RNF150: variants seen among roughly 807,000 people sequenced by gnomAD.
The protein encoded by RNF150 is ring finger protein 150.
A neutral mutation model predicts 39.3 loss-of-function variants in RNF150; 24 were observed. That is an observed-to-expected ratio of 0.61 (90% CI 0.44 to 0.86). RNF150 has a LOEUF of 0.86. RNF150 is among the 40% of genes least tolerant of loss of function. RNF150 has a pLI of 0.00. For missense variants in RNF150, 502 were observed against 587.8 expected, an observed-to-expected ratio of 0.85 and a Z score of 1.51; for synonymous variants, 255 against 227.3, an observed-to-expected ratio of 1.12 and a Z score of -1.10.
intron 4 of RNF150, among the ~76,000 whole-genome samples, chr4:140,930,174 C>G (rs944641559): frequency 6.6e-6 from 1 of 152,068 alleles, no homozygotes. Flanking sequence ...ACCAACCAAC[C>G]AACCCACCAA....
chr4:141,044,372 A>G (rs960719624), intron 1 of RNF150, among the ~76,000 whole-genome samples: 2 of 152,214 alleles, frequency 1.3e-5, no homozygotes, highest in Non-Finnish European at 2.9e-5. Context: ...GCACTGTTCA[A>G]ATTCTCAAAA....
At chr4:141,176,554 T>C (rs1727818117) in intron 1 of RNF150, among the ~76,000 whole-genome samples, 1 of 152,178 alleles carries the variant, frequency 6.6e-6, no homozygotes, top group Non-Finnish European at 1.5e-5. Flanking sequence ...AAAAATCTGA[T>C]GAAAAACACC....
At chr4:140,877,916 A>C (rs1729219697) in intron 6 of RNF150, among the ~76,000 whole-genome samples, 1 of 152,126 alleles carries the variant, frequency 6.6e-6, no homozygotes, top group African/African-American at 2.4e-5. Flanking sequence ...TGACTATAGC[A>C]ATCATCAAAG....
At position 140,912,724 on chromosome 4, in the gene RNF150, ATTCT is replaced by A. The variant is rs374083581; in HGVS notation, c.988-1374_988-1371del. Among the ~76,000 whole-genome samples, 529 of 152,210 alleles carry A rather than the reference ATTCT, an allele frequency of 3.5e-3. 6 individuals are homozygous for A. The highest frequency in any genetic ancestry group is 0.012 in the African/African-American group (506 of 41,524). ...TTCAGTTTATTCATTTCTTTCCTGT[ATTCT>A]TTCTTCTTTTTGCCCTCTCTAGCTA... On this transcript the variant is annotated intron_variant, in intron 5 of 6. Coordinates refer to ENST00000515673, the MANE Select transcript of RNF150 (RefSeq NM_020724.2).
intron 1 of RNF150, among the ~76,000 whole-genome samples, chr4:141,196,844 T>G (rs1216247879): frequency 6.6e-6 from 1 of 152,180 alleles, no homozygotes; most frequent in African/African-American, 2.4e-5. Flanking sequence ...TTCCTTTAAT[T>G]TCCCATCTCC....
intron 1 of RNF150, among the ~76,000 whole-genome samples, chr4:141,018,075 T>C (rs1023260068): frequency 6.6e-6 from 1 of 151,866 alleles, no homozygotes. Context: ...ATTTGATGCA[T>C]GTATTATAAT....
intron 1 of RNF150, among the ~76,000 whole-genome samples, chr4:141,151,473 C>T (rs977999680): frequency 1.7e-5 from 2 of 119,786 alleles, no homozygotes; most frequent in African/African-American, 6.1e-5. Flanking sequence ...GACACACACA[C>T]AAATTTAAGT....
At chr4:140,949,234 G>T in intron 3 of RNF150, 67 bp downstream of exon 3, 1 of 1,227,772 alleles carries the variant, frequency 8.1e-7, no homozygotes. Flanking sequence ...CTTCCACCCT[G>T]GCTATAAGAA....
At chr4:141,074,988 T>C (rs550809390) in intron 1 of RNF150, among the ~76,000 whole-genome samples, 19 of 152,332 alleles carry the variant, frequency 1.2e-4, no homozygotes, top group Middle Eastern at 3.4e-3. Context: ...TATAAATTAA[T>C]AAAGTGGAAC....
intron 1 of RNF150, among the ~76,000 whole-genome samples, chr4:141,111,338 C>A (rs1365970834): frequency 6.6e-6 from 1 of 152,142 alleles, no homozygotes; most frequent in African/African-American, 2.4e-5. Context: ...AGTGGCTAAA[C>A]TTGGTTAGCT....
intron 1 of RNF150, among the ~76,000 whole-genome samples, chr4:141,015,902 T>C (rs1008577710): frequency 2.0e-5 from 3 of 151,912 alleles, no homozygotes; most frequent in African/African-American, 4.8e-5. Flanking sequence ...AGGATAGTAT[T>C]TTTTGCCTGC....
intron 1 of RNF150, among the ~76,000 whole-genome samples, chr4:140,977,901 G>A (rs1050827759): frequency 6.6e-5 from 10 of 151,946 alleles, no homozygotes; most frequent in South Asian, 2.1e-4. Flanking sequence ...TGTTCTATCC[G>A]CTTTTCTACA....
chr4:141,084,756 GGTAGATT>G (rs1420449338), intron 1 of RNF150, among the ~76,000 whole-genome samples: 3 of 152,128 alleles, frequency 2.0e-5, no homozygotes, highest in Non-Finnish European at 4.4e-5. Context: ...TGGACAGTGT[GGTAGATT>G]GTATTTGACA....
At chr4:141,079,041 G>A (rs965340707) in intron 1 of RNF150, among the ~76,000 whole-genome samples, 1 of 151,840 alleles carries the variant, frequency 6.6e-6, no homozygotes, top group Non-Finnish European at 1.5e-5. Flanking sequence ...GTTGGATTGT[G>A]CTATTTACAG....
At chr4:141,197,719 C>A (rs563577401) in intron 1 of RNF150, among the ~76,000 whole-genome samples, 1 of 151,754 alleles carries the variant, frequency 6.6e-6, no homozygotes, top group Admixed American at 6.6e-5. Flanking sequence ...TCTACTAAAA[C>A]TACAAAAAAT....
At chr4:140,954,971 A>G (rs1403594639) in intron 2 of RNF150, among the ~76,000 whole-genome samples, 2 of 152,134 alleles carry the variant, frequency 1.3e-5, no homozygotes, top group African/African-American at 2.4e-5. Flanking sequence ...TTTTATGATC[A>G]TGTTCATTGT....
chr4:141,062,017 T>G (rs567336459), intron 1 of RNF150, among the ~76,000 whole-genome samples: 147 of 152,292 alleles, frequency 9.7e-4, no homozygotes, highest in Non-Finnish European at 1.8e-3. Context: ...ATGTTTTAAG[T>G]ACACTAAATA....
At chr4:140,979,127 C>T (rs2111452370) in intron 1 of RNF150, among the ~76,000 whole-genome samples, 1 of 152,212 alleles carries the variant, frequency 6.6e-6, no homozygotes, top group East Asian at 1.9e-4. Flanking sequence ...AAAGTAGCCT[C>T]TCTGTATATG....
At position 140,867,186 on chromosome 4, in the gene RNF150, G is replaced by A. The variant is rs868510823; in HGVS notation, c.*1075C>T. The A allele has an allele frequency of 2.6e-5, 4 of 152,144 alleles. No individual in the cohort carries two copies. Among genetic ancestry groups the A allele is most frequent in the African/African-American group, 4.8e-5 (2 of 41,444 alleles). 9.4% of individuals were successfully genotyped at this position (152,144 alleles called of 1,614,324 possible). ...TGGTGAGATTCAACAGAAGTGTGTC[G>A]AAATTAAGGTAAAAGCTAGGTGCTA... On this transcript the variant is annotated 3_prime_UTR_variant, in exon 7 of 7. Transcript: ENST00000515673.
Sources: gnomAD v4.1 joint callset for allele counts (sites outside exome capture counted in the v4.1 genomes callset) on GRCh38, gnomAD v4.1.1 for gene constraint, MANE v1.5 for transcripts, NCBI Gene and HGNC (gene_info 2026-07-23, HGNC 2026-07-21) for gene names.